The following CNTN5 variants were observed in gnomAD, a reference collection of about 807,000 sequenced individuals.
CNTN5 encodes the protein contactin-5.
CNTN5 carries 77 observed loss-of-function variants against 129.1 expected under a neutral mutation model. The observed-to-expected ratio is 0.60, with a 90% CI of 0.50 to 0.72. The LOEUF is 0.72. Among genes scored for constraint, CNTN5 ranks in the 30% least tolerant of loss-of-function variants. The pLI is 0.00. For missense variants in CNTN5, 1,478 were observed against 1,328.8 expected (o/e 1.11, Z -1.75); for synonymous variants, 509 against 465.6 (o/e 1.09, Z -1.20).
At chr11:99,352,537 C>A (rs1388003678) in intron 2 of CNTN5, among the ~76,000 whole-genome samples, 1 of 151,980 alleles carries the variant, frequency 6.6e-6, no homozygotes, top group East Asian at 1.9e-4. Flanking sequence ...TATAACTGAT[C>A]TCATGTTGTT....
chr11:99,290,071 A>G lies in CNTN5; in HGVS notation c.-209-35275A>G, dbSNP rs189138315. Among the ~76,000 whole-genome samples the G allele has an allele frequency of 7.9e-5, 12 of 151,924 alleles. No individual in the cohort carries two copies. The East Asian group carries it at 2.3e-3, about 29-fold the overall frequency. On this transcript the variant is annotated intron_variant, in intron 1 of 24. Transcript: ENST00000524871. ...TAAAAATGAACTCTGAATATTTTTAATACCTCCAGAACACTGTCCTTCTTA... is the reference window on the plus strand; with the variant it reads ...TAAAAATGAACTCTGAATATTTTTAGTACCTCCAGAACACTGTCCTTCTTA...
intron 13 of CNTN5, among the ~76,000 whole-genome samples, chr11:100,155,262 A>G (rs1947199889): frequency 6.6e-6 from 1 of 152,156 alleles, no homozygotes; most frequent in Non-Finnish European, 1.5e-5. Flanking sequence ...TCCCAACACT[A>G]TTTATTACAT....
intron 9 of CNTN5, among the ~76,000 whole-genome samples, chr11:100,008,034 G>T (rs1242125671): frequency 2.0e-5 from 3 of 152,014 alleles, no homozygotes. Context: ...TGAGGGAGTG[G>T]CCAGTTGATG....
chr11:99,232,000 T>C (rs1199944191), intron 1 of CNTN5, among the ~76,000 whole-genome samples: 2 of 152,134 alleles, frequency 1.3e-5, no homozygotes, highest in African/African-American at 2.4e-5. Flanking sequence ...TTTGTTAAAT[T>C]GGTCTAGGTG....
At chr11:100,126,894 G>T (rs747044834) in intron 13 of CNTN5, among the ~76,000 whole-genome samples, 1 of 151,912 alleles carries the variant, frequency 6.6e-6, no homozygotes, top group Non-Finnish European at 1.5e-5. Flanking sequence ...ATGTATTGAA[G>T]TGTGGTTTTG....
intron 1 of CNTN5, among the ~76,000 whole-genome samples, chr11:99,259,291 C>T (rs1264945366): frequency 4.0e-5 from 6 of 151,592 alleles, no homozygotes; most frequent in South Asian, 2.1e-4. Flanking sequence ...TTTTCCTCTG[C>T]GCCCTTACTT....
intron 1 of CNTN5, among the ~76,000 whole-genome samples, chr11:99,195,243 A>C (rs1858842911): frequency 6.6e-6 from 1 of 152,114 alleles, no homozygotes; most frequent in Non-Finnish European, 1.5e-5. Flanking sequence ...TGACTAGTAC[A>C]TTTACCCATG....
At chr11:99,497,715 T>C (rs1327465515) in intron 2 of CNTN5, among the ~76,000 whole-genome samples, 1 of 152,144 alleles carries the variant, frequency 6.6e-6, no homozygotes, top group Non-Finnish European at 1.5e-5. Context: ...GGAGACTTCT[T>C]CCTACCACTG....
chr11:99,248,286 T>C (rs1019796038), intron 1 of CNTN5, among the ~76,000 whole-genome samples: 29 of 152,206 alleles, frequency 1.9e-4, no homozygotes, highest in Non-Finnish European at 3.5e-4. Flanking sequence ...GTTCATATCC[T>C]TTGCCCACTT....
At chr11:99,275,737 G>A (rs1453103669) in intron 1 of CNTN5, among the ~76,000 whole-genome samples, 2 of 151,620 alleles carry the variant, frequency 1.3e-5, no homozygotes, top group Admixed American at 1.3e-4. Context: ...CAGCAGGTTA[G>A]AATGTGGTTG....
chr11:100,350,430 T>C (rs1432193404), intron 23 of CNTN5, among the ~76,000 whole-genome samples: 1 of 151,730 alleles, frequency 6.6e-6, no homozygotes, highest in Non-Finnish European at 1.5e-5. Context: ...CTCAAACTGG[T>C]CCACTCTATC....
chr11:99,454,035 AC>A (rs1252992580), intron 2 of CNTN5, among the ~76,000 whole-genome samples: 7 of 152,310 alleles, frequency 4.6e-5, no homozygotes, highest in Non-Finnish European at 1.0e-4. Context: ...AATATGAAAT[AC>A]CCAGCTCTAA....
chr11:99,437,934 A>AT (rs1312355865), intron 2 of CNTN5, among the ~76,000 whole-genome samples: 4 of 152,196 alleles, frequency 2.6e-5, no homozygotes, highest in Admixed American at 2.0e-4. Context: ...TACAATGCTA[A>AT]TGTATTTTCC....
chr11:99,747,295 G>C (rs992439330), intron 3 of CNTN5, among the ~76,000 whole-genome samples: 1 of 151,992 alleles, frequency 6.6e-6, no homozygotes, highest in Admixed American at 6.6e-5. Context: ...TTTTTAATCA[G>C]TTATAACAGT....
At chr11:99,969,147 A>G (rs902778529) in intron 8 of CNTN5, among the ~76,000 whole-genome samples, 1 of 152,130 alleles carries the variant, frequency 6.6e-6, no homozygotes, top group South Asian at 2.1e-4. Context: ...TTTTTATCAG[A>G]TAAAACAGTG....
intron 2 of CNTN5, among the ~76,000 whole-genome samples, chr11:99,361,888 A>T (rs1316459205): frequency 6.6e-6 from 1 of 152,140 alleles, no homozygotes; most frequent in African/African-American, 2.4e-5. Context: ...TCATTCATCC[A>T]ATGAAGGACA....
At chr11:99,730,529 AT>A (rs1943496064) in intron 3 of CNTN5, among the ~76,000 whole-genome samples, 1 of 152,210 alleles carries the variant, frequency 6.6e-6, no homozygotes, top group South Asian at 2.1e-4. Flanking sequence ...TTCAATGAGT[AT>A]TGGTAATACT....
chr11:99,558,439 A>T (rs539014837), intron 3 of CNTN5: 1 of 169,962 alleles, frequency 5.9e-6, no homozygotes, highest in East Asian at 1.7e-4. Context: ...ATTTCATTTT[A>T]TCTAGAAATT....
intron 3 of CNTN5, among the ~76,000 whole-genome samples, chr11:99,721,889 C>G (rs1024204950): frequency 6.6e-6 from 1 of 152,092 alleles, no homozygotes; most frequent in Non-Finnish European, 1.5e-5. Flanking sequence ...GAAAAAAGCT[C>G]AATGTCACTG....
Sources: allele counts gnomAD v4.1 joint callset (sites outside exome capture counted in the v4.1 genomes callset), GRCh38; gene constraint gnomAD v4.1.1; transcripts MANE v1.5; gene names NCBI Gene and HGNC (gene_info 2026-07-23, HGNC 2026-07-21).